The following GPC6 variants were observed in gnomAD, a reference collection of about 807,000 sequenced individuals.
GPC6 encodes the protein glypican-6.
GPC6 carries 14 observed loss-of-function variants against 55.2 expected under a neutral mutation model. The ratio of observed to expected loss-of-function variants is 0.25; its 90% confidence interval spans 0.17 to 0.40. The LOEUF is 0.40. Ranked by LOEUF, GPC6 falls within the 10% of genes least tolerant of loss-of-function variation. The pLI is 1.00. For missense variants in GPC6, 641 were observed against 708.5 expected (o/e 0.90, Z 1.08); for synonymous variants, 278 against 259.6 (o/e 1.07, Z -0.68).
chr13:93,514,736 G>C (rs939797855), intron 1 of GPC6, among the ~76,000 whole-genome samples: 1 of 152,148 alleles, frequency 6.6e-6, no homozygotes, highest in Admixed American at 6.6e-5. Context: ...GGCTTTAAAA[G>C]TCAGACTGGG....
intron 1 of GPC6, among the ~76,000 whole-genome samples, chr13:93,334,231 C>G (rs1395432424): frequency 1.3e-5 from 2 of 152,002 alleles, no homozygotes; most frequent in African/African-American, 4.8e-5. Flanking sequence ...GTCTTTTTAT[C>G]TGAATGTGTA....
At chr13:93,620,343 G>T (rs995961436) in intron 2 of GPC6, among the ~76,000 whole-genome samples, 15 of 152,092 alleles carry the variant, frequency 9.9e-5, no homozygotes, top group African/African-American at 3.4e-4. Flanking sequence ...GCCTTGTCTG[G>T]CTTTAAATCA....
At chr13:93,634,953 A>G (rs765147849) in intron 2 of GPC6, among the ~76,000 whole-genome samples, 14 of 152,156 alleles carry the variant, frequency 9.2e-5, no homozygotes, top group Non-Finnish European at 1.5e-4. Context: ...GTAGAGTTTG[A>G]ACTACATGAA....
chr13:94,023,957 G>T (rs1882797192), intron 3 of GPC6, among the ~76,000 whole-genome samples: 1 of 152,024 alleles, frequency 6.6e-6, no homozygotes, highest in South Asian at 2.1e-4. Flanking sequence ...TAGATTAGTG[G>T]TTGCCAGGTG....
At chr13:93,497,408 A>C (rs1467000491) in intron 1 of GPC6, among the ~76,000 whole-genome samples, 2 of 152,228 alleles carry the variant, frequency 1.3e-5, no homozygotes, top group African/African-American at 4.8e-5. Context: ...AAAGAGAAGC[A>C]TCAGCGCTTC....
At chr13:93,896,149 T>G (rs141187581) in intron 3 of GPC6, among the ~76,000 whole-genome samples, 1 of 152,158 alleles carries the variant, frequency 6.6e-6, no homozygotes, top group Non-Finnish European at 1.5e-5. Context: ...AAACATCACA[T>G]GTACCCCGAT....
chr13:94,193,457 C>T (rs1407263802), intron 4 of GPC6, among the ~76,000 whole-genome samples: 1 of 152,074 alleles, frequency 6.6e-6, no homozygotes, highest in Non-Finnish European at 1.5e-5. Flanking sequence ...TGAATGGTTT[C>T]GGCAAAAATA....
rs1271124577 is a variant in GPC6 at position 94,404,958 on chromosome 13, G to C, written c.*1741G>C. Reference sequence around the variant, plus strand: ...TATGATGCATCTGGAGTAGGGAAAAGTAATGTTTCAAGACACCATAGTAGG... The same window carrying C: ...TATGATGCATCTGGAGTAGGGAAAACTAATGTTTCAAGACACCATAGTAGG... On this transcript the variant is annotated 3_prime_UTR_variant, in exon 9 of 9. Coordinates refer to ENST00000377047, the MANE Select transcript of GPC6 (RefSeq NM_005708.5). 1 of 152,154 alleles carries C rather than the reference G, an allele frequency of 6.6e-6. No individual in the cohort carries two copies. The highest frequency in any genetic ancestry group is 1.5e-5 in the Non-Finnish European group (1 of 68,022). The allele number at this position is 152,154 out of a possible 1,614,324, so 9.4% of individuals were successfully genotyped here. A position where few individuals can be genotyped will look rare whatever the true frequency, so the allele number is the denominator to read the frequency against.
intron 2 of GPC6, among the ~76,000 whole-genome samples, chr13:93,573,305 C>T (rs9301897): frequency 0.86 from 131,282 of 152,000 alleles, 56,772 homozygotes; most frequent in Non-Finnish European, 0.88. Context: ...GTGCCAAGAT[C>T]GTAAATAGCA....
chr13:93,250,075 C>T (rs980469182), intron 1 of GPC6, among the ~76,000 whole-genome samples: 1 of 152,170 alleles, frequency 6.6e-6, no homozygotes, highest in Non-Finnish European at 1.5e-5. Context: ...CTCCTGGCTC[C>T]TCTACTTAGC....
chr13:93,536,730 C>A (rs1296124933), intron 1 of GPC6, among the ~76,000 whole-genome samples: 1 of 152,162 alleles, frequency 6.6e-6, no homozygotes, highest in Non-Finnish European at 1.5e-5. Flanking sequence ...TTTTTAACAT[C>A]TCTTCTGCCC....
At chr13:93,296,468 C>T (rs989928290) in intron 1 of GPC6, among the ~76,000 whole-genome samples, 1 of 152,158 alleles carries the variant, frequency 6.6e-6, no homozygotes, top group Non-Finnish European at 1.5e-5. Flanking sequence ...GGATTAAACT[C>T]GTAATTACTC....
At chr13:93,257,610 G>A (rs1227963674) in intron 1 of GPC6, among the ~76,000 whole-genome samples, 2 of 152,262 alleles carry the variant, frequency 1.3e-5, no homozygotes, top group Middle Eastern at 3.4e-3. Context: ...AACTCTTGTA[G>A]TATCTCGCAT....
rs187341118 is a variant in GPC6, at chr13:93,630,144, C to T, written c.319+84723C>T. On this transcript the variant is annotated intron_variant, in intron 2 of 8. Coordinates refer to ENST00000377047, the MANE Select transcript of GPC6 (RefSeq NM_005708.5). ...GGTTCTTTTGAGTGATTGGATTGGC[C>T]ATTAGCCTAATTGACTGTGCATATG... Among the ~76,000 whole-genome samples, 292 of 152,302 alleles carry T rather than the reference C, an allele frequency of 1.9e-3. 1 individual carries two copies. The highest frequency in any genetic ancestry group is 3.4e-3 in the Middle Eastern group (1 of 294).
intron 3 of GPC6, among the ~76,000 whole-genome samples, chr13:93,910,061 T>TTGTGTG (rs113288409): frequency 0.036 from 5,427 of 150,124 alleles, 280 homozygotes; most frequent in African/African-American, 0.11. Flanking sequence ...GCTCGTGTGT[T>TTGTGTG]TGTGTGTGTG....
intron 4 of GPC6, among the ~76,000 whole-genome samples, chr13:94,093,798 G>C (rs1885575812): frequency 6.6e-6 from 1 of 151,970 alleles, no homozygotes. Context: ...ATGACCTGAT[G>C]GCAGAAGTTG....
intron 4 of GPC6, among the ~76,000 whole-genome samples, chr13:94,175,653 T>C (rs1490765525): frequency 9.2e-5 from 14 of 152,162 alleles, no homozygotes; most frequent in African/African-American, 2.6e-4. Context: ...GTACTGCTTC[T>C]TTGCTAATAT....
chr13:94,133,024 C>G (rs1205374714), intron 4 of GPC6, among the ~76,000 whole-genome samples: 1 of 151,994 alleles, frequency 6.6e-6, no homozygotes, highest in Non-Finnish European at 1.5e-5. Context: ...CTACTGACAA[C>G]TTGAAAGCAT....
intron 2 of GPC6, among the ~76,000 whole-genome samples, chr13:93,652,169 GT>G (rs1457947262): frequency 1.3e-5 from 2 of 152,128 alleles, no homozygotes; most frequent in Non-Finnish European, 2.9e-5. Flanking sequence ...GCCTCTTCCT[GT>G]TTGTCTAAAG....
Sources: allele counts gnomAD v4.1 joint callset (sites outside exome capture counted in the v4.1 genomes callset), GRCh38; gene constraint gnomAD v4.1.1; transcripts MANE v1.5; gene names NCBI Gene and HGNC (gene_info 2026-07-23, HGNC 2026-07-21).